IFNAR1: variants seen among roughly 807,000 people sequenced by gnomAD.
The protein encoded by IFNAR1 is interferon alpha/beta receptor 1.
In IFNAR1, 47 loss-of-function variants were observed where a neutral mutation model predicts 62.1. That is an observed-to-expected ratio of 0.76 (90% CI 0.60 to 0.97). The LOEUF (loss-of-function observed/expected upper bound fraction) is 0.97. Among genes scored for constraint, IFNAR1 ranks in the 50% least tolerant of loss-of-function variants. IFNAR1 has a pLI of 0.00. For missense variants in IFNAR1, 638 were observed against 654.5 expected (o/e 0.97, Z 0.27); for synonymous variants, 219 against 226.9 (o/e 0.97, Z 0.31).
At chr21:33,343,513 C>G (rs765266343) in intron 4 of IFNAR1, 22 bp from the exon 5 acceptor site, 1 of 1,533,690 alleles carries the variant, frequency 6.5e-7, no homozygotes, top group African/African-American at 1.4e-5. Flanking sequence ...TTTTAAAGAA[C>G]CAACTTATAT....
intron 1 of IFNAR1, chr21:33,334,871 G>A (rs1307413551): frequency 1.0e-5 from 13 of 1,262,350 alleles, no homozygotes; most frequent in Admixed American, 1.7e-5. Flanking sequence ...AGTTAACACA[G>A]AGGGGAAAGC....
At chr21:33,347,495 G>C (rs2123257568) in intron 6 of IFNAR1, among the ~76,000 whole-genome samples, 1 of 152,138 alleles carries the variant, frequency 6.6e-6, no homozygotes, top group African/African-American at 2.4e-5. Flanking sequence ...GCAAACTCCT[G>C]GCCCCAAGTG....
intron 1 of IFNAR1, chr21:33,334,738 GA>G (rs2083216717): frequency 3.8e-6 from 3 of 797,750 alleles, no homozygotes; most frequent in Non-Finnish European, 6.7e-6. Flanking sequence ...TGCGCAGGGT[GA>G]TCCAGGTGTG....
Position 33,357,065 on chromosome 21 carries a change from A to C in IFNAR1, c.*1516A>C, listed in dbSNP as rs981780892. The C allele has an allele frequency of 6.6e-6, 1 of 152,218 alleles. No homozygotes were observed. Among genetic ancestry groups the C allele is most frequent in the African/African-American group, 2.4e-5 (1 of 41,450 alleles). The allele number at this position is 152,218 out of a possible 1,614,324, so 9.4% of individuals were successfully genotyped here. On this transcript the variant is annotated 3_prime_UTR_variant, in exon 11 of 11. Transcript: ENST00000270139. ...CATAATGCTTTCCAAAGGCACCTAC[A>C]ACTTAGTTTTAAATTACTTGCTACT...
chr21:33,335,931 T>TA (rs1205565272), intron 2 of IFNAR1, among the ~76,000 whole-genome samples: 6 of 149,200 alleles, frequency 4.0e-5, no homozygotes, highest in Middle Eastern at 3.4e-3. Flanking sequence ...TTTTTTTTTT[T>TA]AATTATTATA....
intron 1 of IFNAR1, chr21:33,335,174 T>C (rs2083221453): frequency 1.8e-6 from 1 of 549,982 alleles, no homozygotes; most frequent in Admixed American, 2.7e-5. Flanking sequence ...TGAAATCAAA[T>C]TGAGGCCATA....
At chr21:33,345,975 T>G (rs763416760) in intron 6 of IFNAR1, among the ~76,000 whole-genome samples, 66 of 152,200 alleles carry the variant, frequency 4.3e-4, no homozygotes, top group Non-Finnish European at 8.5e-4. Flanking sequence ...TCCCAGCTAC[T>G]CAGTGGGCTG....
chr21:33,329,450 A>G (rs2083156549), intron 1 of IFNAR1, among the ~76,000 whole-genome samples: 1 of 151,952 alleles, frequency 6.6e-6, no homozygotes, highest in East Asian at 1.9e-4. Flanking sequence ...GGGAGACCTG[A>G]TGGGTACCAC....
At chr21:33,327,760 G>C (rs1346156850) in intron 1 of IFNAR1, among the ~76,000 whole-genome samples, 2 of 152,162 alleles carry the variant, frequency 1.3e-5, no homozygotes, top group African/African-American at 2.4e-5. Context: ...GGCCACATGT[G>C]CCCAAGGTGG....
chr21:33,329,754 A>G (rs1248959962), intron 1 of IFNAR1, among the ~76,000 whole-genome samples: 2 of 152,242 alleles, frequency 1.3e-5, no homozygotes, highest in African/African-American at 4.8e-5. Context: ...TGAATGCACC[A>G]TTATGCTGGA....
At chr21:33,332,566 A>G (rs140077641) in intron 1 of IFNAR1, among the ~76,000 whole-genome samples, 1 of 152,348 alleles carries the variant, frequency 6.6e-6, no homozygotes, top group African/African-American at 2.4e-5. Context: ...AAGGAATTCA[A>G]ACTAATGATC....
At chr21:33,340,665 T>A (rs931836718) in intron 2 of IFNAR1, among the ~76,000 whole-genome samples, 8 of 152,240 alleles carry the variant, frequency 5.3e-5, no homozygotes, top group Admixed American at 1.3e-4. Context: ...AGAGCCAACA[T>A]ACTAAATCCA....
At chr21:33,354,147 A>C (rs1420657967) in intron 10 of IFNAR1, among the ~76,000 whole-genome samples, 1 of 152,110 alleles carries the variant, frequency 6.6e-6, no homozygotes, top group Non-Finnish European at 1.5e-5. Flanking sequence ...GTTCGAGACC[A>C]GCCTGGTCAA....
intron 1 of IFNAR1, among the ~76,000 whole-genome samples, chr21:33,330,612 T>A (rs148152301): frequency 3.9e-5 from 6 of 152,218 alleles, no homozygotes; most frequent in African/African-American, 1.4e-4. Context: ...CCCCTTCTGC[T>A]CATCCCCTCA....
rs912757171 is a variant in IFNAR1 at position 33,356,317 on chromosome 21, T to G, written c.*768T>G. 2 of 152,226 alleles carry G rather than the reference T, an allele frequency of 1.3e-5. No individual in the cohort carries two copies. The highest frequency in any genetic ancestry group is 2.4e-5 in the African/African-American group (1 of 41,458). The allele number at this position is 152,226 out of a possible 1,614,324, so 9.4% of individuals were successfully genotyped here. On this transcript the variant is annotated 3_prime_UTR_variant, in exon 11 of 11. Coordinates refer to ENST00000270139, the MANE Select transcript of IFNAR1 (RefSeq NM_000629.3). ...GGAGATATTTCAAACATTTGGTCTT[T>G]TCTTTTAACACTGAGGGTAGGCCCT... is the stretch of plus-strand genomic sequence containing the variant.
At chr21:33,351,427 C>T (rs2083396183) in intron 8 of IFNAR1, among the ~76,000 whole-genome samples, 1 of 152,188 alleles carries the variant, frequency 6.6e-6, no homozygotes, top group African/African-American at 2.4e-5. Flanking sequence ...ACCCCATGCA[C>T]AGCCTCCGTG....
chr21:33,353,616 A>C, intron 9 of IFNAR1, 22 bp from the exon 10 acceptor site: 1 of 1,420,308 alleles, frequency 7.0e-7, no homozygotes, highest in Non-Finnish European at 9.7e-7. Context: ...ATATATGCTA[A>C]ATATCACGTA....
intron 1 of IFNAR1, among the ~76,000 whole-genome samples, chr21:33,325,881 G>C (rs1260411992): frequency 1.3e-5 from 2 of 152,184 alleles, no homozygotes; most frequent in African/African-American, 4.8e-5. Flanking sequence ...TTTTGCACCT[G>C]AGAAGATAAG....
At chr21:33,353,925 C>A in intron 10 of IFNAR1, 142 bp downstream of exon 10, 1 of 570,458 alleles carries the variant, frequency 1.8e-6, no homozygotes, top group Admixed American at 3.9e-5. Flanking sequence ...AAGCTTTAGT[C>A]AATTAACTTT....
Sources: allele counts gnomAD v4.1 joint callset (sites outside exome capture counted in the v4.1 genomes callset), GRCh38; gene constraint gnomAD v4.1.1; transcripts MANE v1.5; gene names NCBI Gene and HGNC (gene_info 2026-07-23, HGNC 2026-07-21).